P2RX5: variants seen among roughly 807,000 people sequenced by gnomAD.
The protein encoded by P2RX5 is P2X purinoceptor 5.
A neutral mutation model predicts 54.1 loss-of-function variants in P2RX5; 46 were observed. That is an observed-to-expected ratio of 0.85 (90% CI 0.67 to 1.09). The LOEUF (loss-of-function observed/expected upper bound fraction) is 1.09, where lower values mean the gene tolerates loss of function less well. Among genes scored for constraint, P2RX5 ranks in the 50% least tolerant of loss-of-function variants. The pLI is 0.00. For missense variants in P2RX5, 566 were observed against 549.8 expected (o/e 1.03, Z -0.29); for synonymous variants, 226 against 226.4 (o/e 1.00, Z 0.02).
At chr17:3,717,059 C>A in the P2RX5 span, 1 of 367,220 alleles carries the variant, frequency 2.7e-6, no homozygotes, top group Non-Finnish European at 5.0e-6. Flanking sequence ...GAGATTATGA[C>A]CTTCTGTTAA....
intron 11 of P2RX5, 81 bp from the exon 12 acceptor site, chr17:3,673,958 A>C: frequency 7.8e-7 from 1 of 1,278,958 alleles, no homozygotes; most frequent in Non-Finnish European, 1.1e-6. Context: ...CCCAGGGAGA[A>C]GGGCCTTCCC....
At chr17:3,696,459 A>C (rs2143002592), upstream of P2RX5, 1 of 152,468 alleles carries the variant, frequency 6.6e-6, no homozygotes, top group East Asian at 1.9e-4. Context: ...AAATTTATTT[A>C]TTCATTTATT....
chr17:3,684,740 C>T (rs1393069360), intron 9 of P2RX5, among the ~76,000 whole-genome samples: 2 of 152,078 alleles, frequency 1.3e-5, no homozygotes, highest in Admixed American at 6.5e-5. Flanking sequence ...AAGGGCATGT[C>T]CAAGGATGTG....
intron 1 of P2RX5, 36 bp downstream of exon 1, chr17:3,695,833 C>A: frequency 6.2e-7 from 1 of 1,607,952 alleles, no homozygotes. Context: ...CGCCCTGCCC[C>A]TCCCCCGCCT....
intron 11 of P2RX5, chr17:3,676,392 C>T: frequency 1.0e-6 from 1 of 985,388 alleles, no homozygotes; most frequent in Middle Eastern, 5.2e-4. Flanking sequence ...GCATTAGTAA[C>T]ACTGGCTGCC....
Position 3,695,885 on chromosome 17 carries a change from G to C in P2RX5, c.121C>G (p.Leu41Val). 6.2e-7 allele frequency: 1 copy of C among 1,603,914 alleles called. No homozygotes were observed. The highest frequency in any genetic ancestry group is 8.5e-7 in the Non-Finnish European group (1 of 1,174,010). Reference protein sequence around the residue: ...LLYRLLQASILAYLVVWVFLI... With the variant: ...LLYRLLQASIVAYLVVWVFLI... Reference sequence around the variant, plus strand: ...AGAACTTACACGACCAGGTACGCCAGGATGGAGGCCTGCAGCAGCCGGTAC... The same window carrying C: ...AGAACTTACACGACCAGGTACGCCACGATGGAGGCCTGCAGCAGCCGGTAC... The change falls in exon 1 of 12, where the codon CTG (leucine) becomes GTG (valine). Residue 41 changes from leucine (L) to valine (V), a missense_variant. Coordinates refer to ENST00000225328, the MANE Select transcript of P2RX5 (RefSeq NM_002561.4).
At chr17:3,711,675 C>G in the P2RX5 span, among the ~76,000 whole-genome samples, 2 of 151,616 alleles carry the variant, frequency 1.3e-5, no homozygotes, top group Non-Finnish European at 2.9e-5. Context: ...TGAGCCACTG[C>G]GCCCGGCCTC....
At chr17:3,681,770 C>CT in intron 10 of P2RX5, 126 bp downstream of exon 10, 1 of 730,324 alleles carries the variant, frequency 1.4e-6, no homozygotes, top group South Asian at 1.4e-5. Context: ...AACACTTCTC[C>CT]TCCCCGGGCC....
Position 3,696,095 on chromosome 17 carries a change from C to T in P2RX5, c.-90G>A, listed in dbSNP as rs2050753822. The T allele has an allele frequency of 1.4e-6, 2 of 1,387,720 alleles. No homozygotes were observed. The highest frequency in any genetic ancestry group is 2.9e-5 in the Admixed American group (1 of 35,080). 86.0% of individuals were successfully genotyped at this position (1,387,720 alleles called of 1,614,324 possible). ...CCTCGGTCCCTGCGCGCCCGGCGCC[C>T]GCCTCGGCCCGTCTGCGCCCGCTCA... On this transcript the variant is annotated 5_prime_UTR_variant, in exon 1 of 12. Coordinates refer to ENST00000225328, the MANE Select transcript of P2RX5 (RefSeq NM_002561.4).
intron 9 of P2RX5, chr17:3,682,239 C>A (rs2050305016): frequency 3.9e-6 from 2 of 506,788 alleles, no homozygotes; most frequent in African/African-American, 1.9e-5. Flanking sequence ...CGGACCCCAT[C>A]CAATCGTTCC....
upstream of P2RX5, among the ~76,000 whole-genome samples, chr17:3,697,428 T>C (rs1427711402): frequency 6.6e-6 from 1 of 152,112 alleles, no homozygotes; most frequent in African/African-American, 2.4e-5. Flanking sequence ...CTGCGCACGC[T>C]TATTTTCTGC....
At chr17:3,684,512 G>A (rs2050377827) in intron 9 of P2RX5, among the ~76,000 whole-genome samples, 1 of 152,200 alleles carries the variant, frequency 6.6e-6, no homozygotes. Context: ...TGAGGTGGGA[G>A]GATCGCTTGA....
the P2RX5 span, among the ~76,000 whole-genome samples, chr17:3,707,642 A>G: frequency 6.6e-6 from 1 of 152,126 alleles, no homozygotes; most frequent in Non-Finnish European, 1.5e-5. Context: ...GGGAAGGACT[A>G]GTCCAGACCC....
intron 1 of P2RX5, among the ~76,000 whole-genome samples, chr17:3,693,473 C>T (rs536973157): frequency 2.6e-5 from 4 of 152,244 alleles, no homozygotes; most frequent in East Asian, 1.9e-4. Flanking sequence ...CAGTGGCTCC[C>T]GCCTGTCATC....
intron 8 of P2RX5, 102 bp from the exon 9 acceptor site, chr17:3,688,207 C>G: frequency 2.8e-6 from 2 of 724,672 alleles, no homozygotes; most frequent in East Asian, 2.7e-5. Context: ...ACTCCCGGAA[C>G]CCTGACTCTC....
chr17:3,699,870 AAAGAAAGGAAGGAAGGAAGGAAGG>A (rs1403151184), upstream of P2RX5, among the ~76,000 whole-genome samples: 10 of 27,150 alleles, frequency 3.7e-4, no homozygotes, highest in South Asian at 9.0e-3. Flanking sequence ...AGAAAGAAAG[AAAGAAAGGAAGGAAGGAAGGAAGG>A]AAGGAAGGAA....
At chr17:3,711,822 G>A in the P2RX5 span, among the ~76,000 whole-genome samples, 2 of 152,206 alleles carry the variant, frequency 1.3e-5, no homozygotes, top group Non-Finnish European at 2.9e-5. Context: ...AGCCTCCTGA[G>A]TAGCTGGGAC....
At chr17:3,683,331 A>G (rs969269210) in intron 9 of P2RX5, among the ~76,000 whole-genome samples, 1 of 152,190 alleles carries the variant, frequency 6.6e-6, no homozygotes, top group African/African-American at 2.4e-5. Flanking sequence ...GCTGCTCCCC[A>G]GAGACCAACC....
chr17:3,696,008 C>G lies in P2RX5; in HGVS notation c.-3G>C, dbSNP rs1265307698. On this transcript the variant is annotated 5_prime_UTR_variant, in exon 1 of 12. Coordinates refer to ENST00000225328, the MANE Select transcript of P2RX5 (RefSeq NM_002561.4). ...CCCTTGCAGCCCGCCTGCCCCATGGCGCGCTCTCAGCCGGGCTTGCGGACC... is the reference window on the plus strand; with the variant it reads ...CCCTTGCAGCCCGCCTGCCCCATGGGGCGCTCTCAGCCGGGCTTGCGGACC... The G allele has an allele frequency of 2.5e-6, 4 of 1,613,528 alleles. No individual in the cohort carries two copies. Among genetic ancestry groups the G allele is most frequent in the Non-Finnish European group, 2.5e-6 (3 of 1,179,716 alleles).
Sources: allele counts gnomAD v4.1 joint callset (sites outside exome capture counted in the v4.1 genomes callset), GRCh38; gene constraint gnomAD v4.1.1; transcripts MANE v1.5; gene names NCBI Gene and HGNC (gene_info 2026-07-23, HGNC 2026-07-21).